The following PLG variants were observed in gnomAD, a reference collection of about 807,000 sequenced individuals.
PLG encodes the protein plasmin.
In PLG, 41 loss-of-function variants were observed where a neutral mutation model predicts 104.4. That is an observed-to-expected ratio of 0.39 (90% CI 0.31 to 0.51). The LOEUF is 0.51. Among genes scored for constraint, PLG ranks in the 20% least tolerant of loss-of-function variants. PLG has a pLI of 0.76. For missense variants in PLG, 891 were observed against 1,003.6 expected (o/e 0.89, Z 1.52); for synonymous variants, 337 against 357.1 (o/e 0.94, Z 0.63).
intron 4 of PLG, 186 bp downstream of exon 4, chr6:160,711,377 A>C: frequency 1.4e-6 from 1 of 693,020 alleles, no homozygotes; most frequent in Non-Finnish European, 2.5e-6. Context: ...ATATAATGTA[A>C]ATGCTATTTA....
intron 5 of PLG, 60 bp downstream of exon 5, chr6:160,713,185 T>C (rs563847335): frequency 1.0e-4 from 137 of 1,316,412 alleles, no homozygotes; most frequent in Non-Finnish European, 1.5e-4. Context: ...AATAATTTGT[T>C]GTAAAGCCCC....
intron 17 of PLG, among the ~76,000 whole-genome samples, chr6:160,742,400 G>A (rs767528349): frequency 1.3e-5 from 2 of 152,038 alleles, no homozygotes; most frequent in African/African-American, 4.8e-5. Flanking sequence ...TTTCTCTAAC[G>A]ATCAGTGATA....
In PLG at chr6:160,731,805, C is replaced by T. The variant is rs140970354; in HGVS notation, c.1499C>T (p.Thr500Met). ...AAGAGGGCGACCACTGTTACTGGGA[C>T]GCCATGCCAGGACTGGGCTGCCCAG... ...RGKRATTVTG[T>M]PCQDWAAQEP... The change falls in exon 12 of 19, where the codon ACG (threonine) becomes ATG (methionine). Residue 500 changes from threonine (T) to methionine (M), a missense_variant. This residue lies in a region of PLG where 854 missense variants were observed against 932.1 expected (regional missense o/e 0.92). Transcript: ENST00000308192. The surrounding 1 kb of genome is among the most constrained non-coding windows in gnomAD (Gnocchi z 5.1). 1.2e-4 allele frequency: 186 copies of T among 1,613,642 alleles called. No individual in the cohort carries two copies. The East Asian group carries it at 1.7e-3, about 15-fold the overall frequency.
At position 160,726,169 on chromosome 6, in the gene PLG, T is replaced by TC. The variant is rs1777917924; in HGVS notation, c.1256+3606dup. Among the ~76,000 whole-genome samples the TC allele has an allele frequency of 6.6e-6, 1 of 152,104 alleles. No individual in the cohort carries two copies. Among genetic ancestry groups the TC allele is most frequent in the African/African-American group, 2.4e-5 (1 of 41,444 alleles). The stretch of plus-strand genomic sequence containing the variant: ...ACACATTCAAGTATGCATGGAGCAT[T>TC]CCCCAACATATACCATATGTGTGGG... On this transcript the variant is annotated intron_variant, in intron 10 of 18. Coordinates refer to ENST00000308192, the MANE Select transcript of PLG (RefSeq NM_000301.5). The surrounding 1 kb of genome is among the most constrained non-coding windows in gnomAD (Gnocchi z 4.4).
chr6:160,718,883 T>C, intron 9 of PLG, 45 bp downstream of exon 9: 1 of 1,566,882 alleles, frequency 6.4e-7, no homozygotes, highest in Non-Finnish European at 8.8e-7. Context: ...AGTTTTCTCC[T>C]TATTTTTGTA....
chr6:160,740,349 C>T lies in PLG; in HGVS notation c.2019-962C>T, dbSNP rs1562381021. Reference sequence around the variant, plus strand: ...GTGCAAATAGAAGGTCCCCGTTCCTCATGATCCTCAGAGAGCTGGGGTGTT... The same window carrying T: ...GTGCAAATAGAAGGTCCCCGTTCCTTATGATCCTCAGAGAGCTGGGGTGTT... On this transcript the variant is annotated intron_variant, in intron 16 of 18. Coordinates refer to ENST00000308192, the MANE Select transcript of PLG (RefSeq NM_000301.5). The surrounding 1 kb of genome is among the most constrained non-coding windows in gnomAD (Gnocchi z 5.2). Among the ~76,000 whole-genome samples, 2 of 152,248 alleles carry T rather than the reference C, an allele frequency of 1.3e-5. No individual in the cohort carries two copies. Among genetic ancestry groups the T allele is most frequent in the Admixed American group, 6.5e-5 (1 of 15,286 alleles).
At chr6:160,729,650 C>G (rs1392668971) in intron 10 of PLG, among the ~76,000 whole-genome samples, 1 of 151,962 alleles carries the variant, frequency 6.6e-6, no homozygotes, top group African/African-American at 2.4e-5. Context: ...CTGTATGAGC[C>G]CATTTATATC....
rs1244989234 is a variant in PLG at position 160,748,440 on chromosome 6, G to GAAAGAAAGA, written c.2126-3673_2126-3672insAGAAAGAAA. ...AGGGAAAGAAAGAGAACGAAAGAAA[G>GAAAGAAAGA]AAGGGAGGGAGGGAGGGAGGGAGGG... On this transcript the variant is annotated intron_variant, in intron 17 of 18. Transcript: ENST00000308192. Among the ~76,000 whole-genome samples, 6 of 69,426 alleles carry GAAAGAAAGA rather than the reference G, an allele frequency of 8.6e-5. 2 individuals are homozygous for GAAAGAAAGA. Among genetic ancestry groups the GAAAGAAAGA allele is most frequent in the East Asian group, 3.5e-3 (2 of 574 alleles). The allele number at this position is 69,426 out of a possible 152,430, so 45.5% of individuals were successfully genotyped here. A position where few individuals can be genotyped will look rare whatever the true frequency, so the allele number is the denominator to read the frequency against.
Position 160,719,593 on chromosome 6 carries a change from T to G in PLG, c.1096+755T>G, listed in dbSNP as rs1316108824. Among the ~76,000 whole-genome samples, 2 of 152,206 alleles carry G rather than the reference T, an allele frequency of 1.3e-5. No individual in the cohort carries two copies. Among genetic ancestry groups the G allele is most frequent in the Non-Finnish European group, 2.9e-5 (2 of 68,016 alleles). On this transcript the variant is annotated intron_variant, in intron 9 of 18. Coordinates refer to ENST00000308192, the MANE Select transcript of PLG (RefSeq NM_000301.5). The surrounding 1 kb of genome is among the most constrained non-coding windows in gnomAD (Gnocchi z 4.1). ...CTTTGTCCCATTTAAACTTTGTTCC[T>G]TTTTTCATCTTTTTCTGCCTTCATT...
Position 160,726,861 on chromosome 6 carries a change from T to C in PLG, c.1257-4190T>C, listed in dbSNP as rs183864924. On this transcript the variant is annotated intron_variant, in intron 10 of 18. Coordinates refer to ENST00000308192, the MANE Select transcript of PLG (RefSeq NM_000301.5). The surrounding 1 kb of genome is among the most constrained non-coding windows in gnomAD (Gnocchi z 4.4). ...AACTTTGAGAACTGTTGATTTAAGA[T>C]AACTTAAACATCTAGAAAAGGAGAA... Among the ~76,000 whole-genome samples the C allele has an allele frequency of 6.6e-6, 1 of 152,118 alleles. No homozygotes were observed. The highest frequency in any genetic ancestry group is 1.9e-4 in the East Asian group (1 of 5,188).
At position 160,753,252 on chromosome 6, in the gene PLG, C is replaced by T; in HGVS notation, c.*191C>T. ...CTGTAGTAAGGTGACATAGCTATGACATTTGTTAAAAATAAACTCTGTACT... is the reference window on the plus strand; with the variant it reads ...CTGTAGTAAGGTGACATAGCTATGATATTTGTTAAAAATAAACTCTGTACT... On this transcript the variant is annotated 3_prime_UTR_variant, in exon 19 of 19. Coordinates refer to ENST00000308192, the MANE Select transcript of PLG (RefSeq NM_000301.5). The surrounding 1 kb of genome is among the most constrained non-coding windows in gnomAD (Gnocchi z 5.4). The T allele has an allele frequency of 1.7e-6, 1 of 590,046 alleles. No homozygotes were observed. The highest frequency in any genetic ancestry group is 2.0e-5 in the South Asian group (1 of 50,038). The allele number at this position is 590,046 out of a possible 1,614,324, so 36.6% of individuals were successfully genotyped here.
intron 9 of PLG, among the ~76,000 whole-genome samples, chr6:160,720,769 C>G (rs1195004654): frequency 6.6e-6 from 1 of 152,102 alleles, no homozygotes; most frequent in African/African-American, 2.4e-5. Context: ...ATTATCTGTT[C>G]AAACGTTTCT....
At chr6:160,747,498 T>G (rs1388656069) in intron 17 of PLG, among the ~76,000 whole-genome samples, 1 of 152,244 alleles carries the variant, frequency 6.6e-6, no homozygotes, top group African/African-American at 2.4e-5. Flanking sequence ...ACTAGCTAGA[T>G]AGACCTGGAC....
At chr6:160,751,458 G>A (rs1778398455) in intron 17 of PLG, among the ~76,000 whole-genome samples, 1 of 152,206 alleles carries the variant, frequency 6.6e-6, no homozygotes, top group Non-Finnish European at 1.5e-5. Flanking sequence ...GTCTGGAAAG[G>A]TTAATTCTTG....
chr6:160,730,462 G>A (rs1036305722), intron 10 of PLG, among the ~76,000 whole-genome samples: 6 of 152,192 alleles, frequency 3.9e-5, no homozygotes, highest in South Asian at 2.1e-4. Context: ...CACCTGATAC[G>A]GTATTGACAG....
intron 17 of PLG, among the ~76,000 whole-genome samples, chr6:160,748,961 C>A (rs11752864): frequency 5.1e-4 from 77 of 152,204 alleles, no homozygotes; most frequent in Non-Finnish European, 1.3e-4. Context: ...CTGTTCCATG[C>A]TGGAGGTGGA....
At chr6:160,703,729 A>T (rs919287755) in intron 1 of PLG, among the ~76,000 whole-genome samples, 3 of 152,368 alleles carry the variant, frequency 2.0e-5, no homozygotes, top group African/African-American at 7.2e-5. Context: ...GGGTATGAAT[A>T]TTATATTTCA....
intron 5 of PLG, chr6:160,713,340 G>A (rs1027900436): frequency 4.7e-5 from 24 of 511,766 alleles, no homozygotes; most frequent in African/African-American, 2.1e-4. Flanking sequence ...GTGCAATCTC[G>A]GCTCACCACA....
chr6:160,748,354 A>AAGAAAGAAAGAAAGAAAGAGAGAGAGAG (rs1562383251), intron 17 of PLG, among the ~76,000 whole-genome samples: 13 of 31,412 alleles, frequency 4.1e-4, no homozygotes, highest in East Asian at 0.013. Flanking sequence ...AAGAAAGAGA[A>AAGAAAGAAAGAAAGAAAGAGAGAGAGAG]AGAAAGAAAG....
Sources: allele counts gnomAD v4.1 joint callset (sites outside exome capture counted in the v4.1 genomes callset), GRCh38; gene constraint gnomAD v4.1.1; regional missense constraint gnomAD v4.1.1; non-coding constraint Gnocchi (gnomAD v3.1); transcripts MANE v1.5; gene names NCBI Gene and HGNC (gene_info 2026-07-23, HGNC 2026-07-21).